The following SLC41A3 variants were observed in gnomAD, a reference collection of about 807,000 sequenced individuals.
SLC41A3 encodes SLC41A1-like 2.
Under a neutral mutation model 45.4 loss-of-function variants are expected in SLC41A3, and 44 were observed. The ratio of observed to expected loss-of-function variants is 0.97; its 90% CI spans 0.76 to 1.25. The LOEUF (loss-of-function observed/expected upper bound fraction) is 1.25, where lower values mean the gene tolerates loss of function less well. Ranked by LOEUF, SLC41A3 falls within the 50% of genes most tolerant of loss-of-function variation. The pLI, the probability that SLC41A3 is intolerant of heterozygous loss-of-function variation, is 0.00. For missense variants in SLC41A3, 550 were observed against 600.6 expected (o/e 0.92, Z 0.88); for synonymous variants, 256 against 252.4 (o/e 1.01, Z -0.13).
chr3:126,011,351 G>T (rs1292829947), intron 9 of SLC41A3, among the ~76,000 whole-genome samples: 2 of 152,166 alleles, frequency 1.3e-5, no homozygotes. Flanking sequence ...GGAGAGGGCA[G>T]GGGAAAAAAG....
chr3:126,066,380 G>A (rs765580924), intron 2 of SLC41A3, among the ~76,000 whole-genome samples: 4 of 152,192 alleles, frequency 2.6e-5, no homozygotes, highest in Non-Finnish European at 4.4e-5. Flanking sequence ...CAGTAACCAC[G>A]AGATAATACA....
At chr3:126,038,222 T>C (rs1942344690) in intron 3 of SLC41A3, among the ~76,000 whole-genome samples, 1 of 152,180 alleles carries the variant, frequency 6.6e-6, no homozygotes, top group African/African-American at 2.4e-5. Context: ...CAAGGGGAAA[T>C]GGGGGTTAGA....
intron 4 of SLC41A3, among the ~76,000 whole-genome samples, chr3:126,029,900 A>G (rs1941668299): frequency 6.6e-6 from 1 of 152,108 alleles, no homozygotes; most frequent in South Asian, 2.1e-4. Context: ...AATTTAATAT[A>G]TAAGAATGTA....
intron 7 of SLC41A3, among the ~76,000 whole-genome samples, chr3:126,015,949 T>G (rs1025844025): frequency 1.1e-4 from 16 of 152,176 alleles, no homozygotes; most frequent in Non-Finnish European, 2.2e-4. Context: ...GCCCACCCCA[T>G]GTTCTCAGAA....
chr3:126,068,202 G>A lies in SLC41A3; in HGVS notation c.18C>T (p.Thr6=). The change falls in exon 2 of 11, where the codon ACC becomes ACT. Residue 6 remains threonine, a synonymous_variant. Coordinates refer to ENST00000360370, the MANE Select transcript of SLC41A3 (RefSeq NM_017836.4). MDGTE[T]RQRRLDSCGK... Reference sequence around the variant, plus strand: ...CACAGCTGTCCAGCCTCCGCTGCCGGGTCTCTGTCCCATCCATCTGGGCAC... The same window carrying A: ...CACAGCTGTCCAGCCTCCGCTGCCGAGTCTCTGTCCCATCCATCTGGGCAC... 1 of 1,553,240 alleles carries A rather than the reference G, an allele frequency of 6.4e-7. No individual in the cohort carries two copies. The highest frequency in any genetic ancestry group is 8.7e-7 in the Non-Finnish European group (1 of 1,151,192).
At chr3:126,016,356 G>A (rs1940281962) in intron 7 of SLC41A3, among the ~76,000 whole-genome samples, 1 of 152,248 alleles carries the variant, frequency 6.6e-6, no homozygotes, top group Non-Finnish European at 1.5e-5. Context: ...TGAGGCCAAG[G>A]TGGGGGACCT....
chr3:126,017,255 G>C (rs563658873), intron 6 of SLC41A3, among the ~76,000 whole-genome samples: 1 of 152,186 alleles, frequency 6.6e-6, no homozygotes, highest in Admixed American at 6.5e-5. Flanking sequence ...TCACCTTCTC[G>C]ACAGCCCCTG....
At chr3:126,098,072 A>G (rs909214991) in intron 1 of SLC41A3, among the ~76,000 whole-genome samples, 1 of 152,258 alleles carries the variant, frequency 6.6e-6, no homozygotes, top group Admixed American at 6.5e-5. Context: ...TAGGATAGAC[A>G]TAAGATATAT....
chr3:126,095,793 G>A (rs1043191430), intron 1 of SLC41A3, among the ~76,000 whole-genome samples: 4 of 152,196 alleles, frequency 2.6e-5, no homozygotes, highest in Non-Finnish European at 5.9e-5. Context: ...GTCCCCTAAG[G>A]GGATATTTAG....
chr3:126,018,545 T>A (rs1241893802), intron 6 of SLC41A3, among the ~76,000 whole-genome samples: 1 of 152,156 alleles, frequency 6.6e-6, no homozygotes, highest in East Asian at 1.9e-4. Flanking sequence ...ACCCTCTAAA[T>A]CACAGCTGTT....
intron 3 of SLC41A3, among the ~76,000 whole-genome samples, chr3:126,036,432 G>A (rs529286406): frequency 2.0e-5 from 3 of 152,284 alleles, no homozygotes; most frequent in Non-Finnish European, 4.4e-5. Context: ...TTCCTATGGG[G>A]CAGGGGCTGT....
rs536800394 is a variant in SLC41A3 at position 126,068,078 on chromosome 3, C to G, written c.142G>C (p.Val48Leu). Reference protein sequence around the residue: ...GALRAPESQSVTPKPLETEPS... With the variant: ...GALRAPESQSLTPKPLETEPS... ...TCAGTCTCCAGTGGCTTGGGGGTCA[C>G]GCTTTGGCTCTCAGGGGCCCTGAGA... Residue 48 changes from valine (V) to leucine (L), a missense_variant, in exon 2 of 11, where the codon GTG becomes CTG. Coordinates refer to ENST00000360370, the MANE Select transcript of SLC41A3 (RefSeq NM_017836.4). 1.2e-6 allele frequency: 2 copies of G among 1,613,844 alleles called. No individual in the cohort carries two copies. The highest frequency in any genetic ancestry group is 1.7e-6 in the Non-Finnish European group (2 of 1,179,966).
At chr3:126,059,730 A>T (rs142230719) in intron 2 of SLC41A3, among the ~76,000 whole-genome samples, 3 of 152,284 alleles carry the variant, frequency 2.0e-5, no homozygotes, top group African/African-American at 4.8e-5. Context: ...GGCAGAGAGA[A>T]ATGGCCTGAT....
chr3:126,006,452 C>T lies in SLC41A3; in HGVS notation c.*564G>A, dbSNP rs1179502378. 3 of 1,613,314 alleles carry T rather than the reference C, an allele frequency of 1.9e-6. No homozygotes were observed. The highest frequency in any genetic ancestry group is 2.5e-6 in the Non-Finnish European group (3 of 1,179,938). ...ACAAACAAAAAGGAAAATAAAAAGA[C>T]AGCAAGGACACGATTAAATGTTGAG... On this transcript the variant is annotated 3_prime_UTR_variant, in exon 11 of 11. Transcript: ENST00000360370.
rs535979091 is a variant in SLC41A3 at position 126,068,224 on chromosome 3, G to A, written c.-5C>T. The A allele has an allele frequency of 2.0e-6, 3 of 1,509,450 alleles. No homozygotes were observed. Among genetic ancestry groups the A allele is most frequent in the South Asian group, 2.7e-5 (2 of 73,308 alleles). 93.5% of individuals were successfully genotyped at this position (1,509,450 alleles called of 1,614,324 possible). On this transcript the variant is annotated 5_prime_UTR_variant, in exon 2 of 11. Transcript: ENST00000360370. ...CCGGGTCTCTGTCCCATCCATCTGG[G>A]CACAGCTGGGCGCCTGGCAGCCCTA...
intron 2 of SLC41A3, among the ~76,000 whole-genome samples, chr3:126,064,705 C>T (rs112713297): frequency 2.6e-5 from 4 of 152,306 alleles, no homozygotes; most frequent in African/African-American, 7.2e-5. Flanking sequence ...CTTTCTAGAC[C>T]GCTCGGTGTC....
At chr3:126,032,715 G>A (rs1192970335) in intron 4 of SLC41A3, among the ~76,000 whole-genome samples, 2 of 152,182 alleles carry the variant, frequency 1.3e-5, no homozygotes, top group African/African-American at 4.8e-5. Flanking sequence ...AGATGGAGAT[G>A]CCCCGTACAG....
At chr3:126,088,473 G>A (rs1409966774), upstream of SLC41A3, among the ~76,000 whole-genome samples, 2 of 152,094 alleles carry the variant, frequency 1.3e-5, no homozygotes, top group Non-Finnish European at 2.9e-5. Flanking sequence ...AGTTAAAATA[G>A]GAGCATAAAA....
At chr3:126,051,471 G>C (rs116394995) in intron 2 of SLC41A3, among the ~76,000 whole-genome samples, 2,764 of 152,314 alleles carry the variant, frequency 0.018, 66 homozygotes, top group Admixed American at 0.065. Context: ...TCTTCACACA[G>C]GCCATGCAGG....
Sources: gnomAD v4.1 joint callset for allele counts (sites outside exome capture counted in the v4.1 genomes callset) on GRCh38, gnomAD v4.1.1 for gene constraint, MANE v1.5 for transcripts, NCBI Gene and HGNC (gene_info 2026-07-23, HGNC 2026-07-21) for gene names.